The following MEIKIN variants were observed in gnomAD, a reference collection of about 807,000 sequenced individuals.
MEIKIN encodes the protein meiotic kinetochore factor.
At chr5:131,904,567 A>G (rs1362602212) in intron 8 of MEIKIN, among the ~76,000 whole-genome samples, 2 of 152,228 alleles carry the variant, frequency 1.3e-5, no homozygotes, top group African/African-American at 4.8e-5. Context: ...GTGTAAAAGT[A>G]TTAAAGACAG....
Position 131,874,556 on chromosome 5 carries a change from T to C in MEIKIN, c.774+4422A>G, listed in dbSNP as rs181322968. 3.2e-3 allele frequency among the ~76,000 whole-genome samples: 485 copies of C among 152,330 alleles called. 3 individuals are homozygous for C. The highest frequency in any genetic ancestry group is 0.011 in the African/African-American group (462 of 41,572). On this transcript the variant is annotated intron_variant, in intron 9 of 12. Coordinates refer to ENST00000442687, the MANE Select transcript of MEIKIN (RefSeq NM_001303622.2). ...ACCAGATGGATTCACAGCCGAATTCTACCAGAGGTACAAGGAGGAGCTGGT... is the reference window on the plus strand; with the variant it reads ...ACCAGATGGATTCACAGCCGAATTCCACCAGAGGTACAAGGAGGAGCTGGT...
At chr5:131,842,554 T>C (rs576329982) in intron 11 of MEIKIN, among the ~76,000 whole-genome samples, 11 of 152,308 alleles carry the variant, frequency 7.2e-5, no homozygotes, top group African/African-American at 2.6e-4. Flanking sequence ...ATTGCAATGA[T>C]AATACGTTTT....
intron 4 of MEIKIN, among the ~76,000 whole-genome samples, chr5:131,938,439 A>G (rs531846425): frequency 6.6e-6 from 1 of 152,228 alleles, no homozygotes; most frequent in African/African-American, 2.4e-5. Context: ...AAGTGCTAGG[A>G]TTACAGGGGT....
intron 9 of MEIKIN, among the ~76,000 whole-genome samples, chr5:131,861,920 T>C (rs763833527): frequency 1.5e-4 from 23 of 152,176 alleles, no homozygotes; most frequent in Admixed American, 1.2e-3. Flanking sequence ...GCTGTTGTTG[T>C]TGTGTCCTTG....
At chr5:131,930,070 C>G (rs1161400410) in intron 5 of MEIKIN, among the ~76,000 whole-genome samples, 2 of 152,128 alleles carry the variant, frequency 1.3e-5, no homozygotes, top group Non-Finnish European at 2.9e-5. Flanking sequence ...AATGATAGTT[C>G]TAGGTTCTTT....
At chr5:131,840,382 A>G (rs1448481188) in intron 11 of MEIKIN, among the ~76,000 whole-genome samples, 1 of 152,100 alleles carries the variant, frequency 6.6e-6, no homozygotes. Context: ...GGTTCTCTGC[A>G]TTTCCTGAGT....
intron 11 of MEIKIN, among the ~76,000 whole-genome samples, chr5:131,828,256 G>A (rs779292777): frequency 3.3e-5 from 5 of 152,060 alleles, no homozygotes; most frequent in East Asian, 1.9e-4. Context: ...GCCCCTCTCC[G>A]GGTTCAAGTC....
At chr5:131,934,894 A>G (rs556078570) in intron 4 of MEIKIN, among the ~76,000 whole-genome samples, 5 of 152,098 alleles carry the variant, frequency 3.3e-5, no homozygotes, top group African/African-American at 1.2e-4. Context: ...CATCTCTACT[A>G]AAAGTACAAA....
intron 11 of MEIKIN, among the ~76,000 whole-genome samples, chr5:131,839,995 C>T (rs1749875739): frequency 6.6e-6 from 1 of 152,206 alleles, no homozygotes; most frequent in Admixed American, 6.5e-5. Flanking sequence ...ACAGTCTTTA[C>T]TTCCCATATT....
Position 131,842,866 on chromosome 5 carries a change from C to T in MEIKIN, c.975+8398G>A, listed in dbSNP as rs988545698. On this transcript the variant is annotated intron_variant, in intron 11 of 12. Coordinates refer to ENST00000442687, the MANE Select transcript of MEIKIN (RefSeq NM_001303622.2). Reference sequence around the variant, plus strand: ...ACAAATGATGGTAGCTCCAACCCCACATTTTCCCTCCACACTGCCCTAGTA... The same window carrying T: ...ACAAATGATGGTAGCTCCAACCCCATATTTTCCCTCCACACTGCCCTAGTA... Among the ~76,000 whole-genome samples, 16 of 152,348 alleles carry T rather than the reference C, an allele frequency of 1.1e-4. No homozygotes were observed. In the South Asian group the frequency reaches 2.1e-3, roughly 20 times the overall value.
chr5:131,882,211 TCTC>T (rs1750712174), intron 8 of MEIKIN, among the ~76,000 whole-genome samples: 1 of 152,186 alleles, frequency 6.6e-6, no homozygotes, highest in Non-Finnish European at 1.5e-5. Context: ...TTTAATAAGG[TCTC>T]CTTGCTTCTA....
chr5:131,828,087 G>C (rs1749645685), intron 11 of MEIKIN, among the ~76,000 whole-genome samples: 1 of 151,874 alleles, frequency 6.6e-6, no homozygotes, highest in Non-Finnish European at 1.5e-5. Context: ...ATGAAATAGT[G>C]AAGTACCCAG....
chr5:131,891,300 T>C (rs1310765529), intron 8 of MEIKIN, among the ~76,000 whole-genome samples: 1 of 152,204 alleles, frequency 6.6e-6, no homozygotes, highest in Non-Finnish European at 1.5e-5. Context: ...TTGATCTGTC[T>C]AATGTTGTCA....
At chr5:131,858,888 C>A (rs1377509591) in intron 9 of MEIKIN, among the ~76,000 whole-genome samples, 1 of 152,134 alleles carries the variant, frequency 6.6e-6, no homozygotes. Flanking sequence ...CCATCTCACA[C>A]CAGTCAGAAT....
At chr5:131,852,996 G>A (rs894822285) in intron 10 of MEIKIN, among the ~76,000 whole-genome samples, 1 of 152,050 alleles carries the variant, frequency 6.6e-6, no homozygotes, top group Non-Finnish European at 1.5e-5. Flanking sequence ...TGGGCCACTG[G>A]AAAGACTGTG....
chr5:131,899,860 C>CA (rs1004538427), intron 8 of MEIKIN, among the ~76,000 whole-genome samples: 1 of 152,084 alleles, frequency 6.6e-6, no homozygotes, highest in Non-Finnish European at 1.5e-5. Context: ...GGCCCTAATA[C>CA]AAAAATTGCT....
At chr5:131,889,923 G>A (rs193114685) in intron 8 of MEIKIN, among the ~76,000 whole-genome samples, 172 of 152,184 alleles carry the variant, frequency 1.1e-3, no homozygotes, top group Non-Finnish European at 2.0e-3. Flanking sequence ...TAGCAAGAAG[G>A]GTTGTTGAAT....
At chr5:131,856,786 A>AAT (rs144497350) in intron 9 of MEIKIN, among the ~76,000 whole-genome samples, 59 of 150,196 alleles carry the variant, frequency 3.9e-4, no homozygotes, top group Admixed American at 9.3e-4. Context: ...GATTTGTTAA[A>AAT]ATATATATAT....
At chr5:131,809,957 C>T (rs1224949992) in intron 12 of MEIKIN, among the ~76,000 whole-genome samples, 1 of 152,086 alleles carries the variant, frequency 6.6e-6, no homozygotes, top group Non-Finnish European at 1.5e-5. Context: ...ACACTCTTTA[C>T]AAAGATTATC....
Sources: gnomAD v4.1 joint callset for allele counts (sites outside exome capture counted in the v4.1 genomes callset) on GRCh38, gnomAD v4.1.1 for gene constraint, MANE v1.5 for transcripts, NCBI Gene and HGNC (gene_info 2026-07-23, HGNC 2026-07-21) for gene names.